Variants in MRPL13 observed in about 807,000 individuals in gnomAD.
MRPL13 encodes large ribosomal subunit protein uL13m.
A neutral mutation model predicts 29.0 loss-of-function variants in MRPL13; 33 were observed. The ratio of observed to expected loss-of-function variants is 1.14; its 90% CI spans 0.86 to 1.52. The LOEUF is 1.52. Among genes scored for constraint, MRPL13 ranks in the 40% most tolerant of loss-of-function variants. The pLI, the probability that MRPL13 is intolerant of heterozygous loss-of-function variation, is 0.00. For synonymous variants in MRPL13, 77 were observed against 68.4 expected, an observed-to-expected ratio of 1.13 and a Z score of -0.62; for missense variants, 227 against 216.7, an observed-to-expected ratio of 1.05 and a Z score of -0.30.
rs562751404 is a variant in MRPL13, at chr8:120,428,127, A to T, written c.246-2761T>A. Among the ~76,000 whole-genome samples the T allele has an allele frequency of 5.0e-3, 29 of 5,844 alleles. No homozygotes were observed. In the South Asian group the frequency reaches 0.13, roughly 27 times the overall value. The allele number at this position is 5,844 out of a possible 152,430, so 3.8% of individuals were successfully genotyped here. A position where few individuals can be genotyped will look rare whatever the true frequency, so the allele number is the denominator to read the frequency against. ...GTAACCAAAACAGCATGGTACTGATAAAAAAAAAAAAAAAAAAAAACCAGA... is the reference window on the plus strand; with the variant it reads ...GTAACCAAAACAGCATGGTACTGATTAAAAAAAAAAAAAAAAAAAACCAGA... On this transcript the variant is annotated intron_variant, in intron 3 of 6. Transcript: ENST00000306185.
chr8:120,440,811 T>C (rs943491650), intron 2 of MRPL13, among the ~76,000 whole-genome samples: 7 of 151,784 alleles, frequency 4.6e-5, no homozygotes, highest in Non-Finnish European at 1.0e-4. Context: ...GAAATTTCAT[T>C]TGGAAAAGAT....
chr8:120,437,528 A>AT (rs1813068782), intron 2 of MRPL13, among the ~76,000 whole-genome samples: 2 of 152,206 alleles, frequency 1.3e-5, no homozygotes, highest in African/African-American at 4.8e-5. Context: ...CTCATAAAGA[A>AT]TAAGTCATAC....
chr8:120,410,682 T>G (rs1374274890), intron 6 of MRPL13, among the ~76,000 whole-genome samples: 3 of 152,204 alleles, frequency 2.0e-5, no homozygotes. Flanking sequence ...TTAGCCACAG[T>G]GCAAGGGCTC....
chr8:120,415,272 G>C (rs1812790545), intron 5 of MRPL13: 1 of 152,170 alleles, frequency 6.6e-6, no homozygotes, highest in Non-Finnish European at 1.5e-5. Flanking sequence ...CTTATAAGGA[G>C]AGTAGATATA....
rs1170746344 is a variant in MRPL13, at chr8:120,432,123, C to T, written c.152G>A (p.Ser51Asn). The change falls in exon 3 of 7, where the codon AGT becomes AAT. Residue 51 changes from serine to asparagine, a missense_variant and splice_region_variant. Ser to Asn is a conservative substitution (Grantham distance 46, BLOSUM62 1). Coordinates refer to ENST00000306185, the MANE Select transcript of MRPL13 (RefSeq NM_014078.6). ...TATAACAACATGATCCCCACAGTCA[C>T]CTACATTTTAAAAAGAAACAAGATT... ...GLHKPVYHAL[S>N]DCGDHVVIMN... The T allele has an allele frequency of 3.2e-6, 5 of 1,555,984 alleles. No individual in the cohort carries two copies. The highest frequency in any genetic ancestry group is 1.4e-5 in the African/African-American group (1 of 71,730).
At chr8:120,424,328 T>A (rs1347674021) in intron 4 of MRPL13, among the ~76,000 whole-genome samples, 3 of 151,190 alleles carry the variant, frequency 2.0e-5, no homozygotes, top group African/African-American at 7.3e-5. Flanking sequence ...GGAAAAAAAA[T>A]AAAAAATAAA....
At chr8:120,410,635 A>AATT (rs1259544218) in intron 6 of MRPL13, among the ~76,000 whole-genome samples, 1 of 152,188 alleles carries the variant, frequency 6.6e-6, no homozygotes, top group Non-Finnish European at 1.5e-5. Context: ...TATTTACTAA[A>AATT]ATTACATCAA....
chr8:120,406,311 G>A (rs1812667256), intron 6 of MRPL13, among the ~76,000 whole-genome samples: 1 of 152,124 alleles, frequency 6.6e-6, no homozygotes, highest in Non-Finnish European at 1.5e-5. Context: ...TAAGAAAAAT[G>A]TCTATTTTAG....
chr8:120,420,050 A>G, intron 4 of MRPL13, 112 bp from the exon 5 acceptor site: 1 of 604,618 alleles, frequency 1.7e-6, no homozygotes, highest in Non-Finnish European at 2.6e-6. Flanking sequence ...ACACGAATAT[A>G]GGAAAGAAAT....
intron 6 of MRPL13, among the ~76,000 whole-genome samples, chr8:120,400,994 G>A (rs956603018): frequency 6.6e-6 from 1 of 151,800 alleles, no homozygotes; most frequent in Non-Finnish European, 1.5e-5. Flanking sequence ...TTCTGAAATC[G>A]AATCAGTAAT....
At chr8:120,408,640 A>G (rs1393974550) in intron 6 of MRPL13, among the ~76,000 whole-genome samples, 1 of 152,214 alleles carries the variant, frequency 6.6e-6, no homozygotes, top group Non-Finnish European at 1.5e-5. Flanking sequence ...AGACTAGAAG[A>G]AAATTATGGA....
chr8:120,434,005 T>G lies in MRPL13; in HGVS notation c.152-1882A>C, dbSNP rs372338544. The stretch of plus-strand genomic sequence containing the variant: ...TTTTTAGAAATAGGAATTGTGAGTT[T>G]ATTTACAAAAATTCTAACCTTAAAC... On this transcript the variant is annotated intron_variant, in intron 2 of 6. Coordinates refer to ENST00000306185, the MANE Select transcript of MRPL13 (RefSeq NM_014078.6). 7.3e-4 allele frequency among the ~76,000 whole-genome samples: 111 copies of G among 152,244 alleles called. 1 individual carries two copies. The highest frequency in any genetic ancestry group is 2.5e-3 in the African/African-American group (106 of 41,572).
chr8:120,408,883 T>C (rs1812709630), intron 6 of MRPL13, among the ~76,000 whole-genome samples: 1 of 152,204 alleles, frequency 6.6e-6, no homozygotes, highest in Admixed American at 6.5e-5. Context: ...AGCTATAGAC[T>C]GAAGAGGATG....
rs1243201165 is a variant in MRPL13 at position 120,429,506 on chromosome 8, C to A, written c.245+2524G>T. ...GAACTTAAAAGTTAAAAAAAAAAAA[C>A]AAAAAACAAGAATTGAAAAAAAAGA... On this transcript the variant is annotated intron_variant, in intron 3 of 6. Coordinates refer to ENST00000306185, the MANE Select transcript of MRPL13 (RefSeq NM_014078.6). 6.4e-3 allele frequency among the ~76,000 whole-genome samples: 940 copies of A among 145,904 alleles called. 30 individuals are homozygous for A. The East Asian group carries it at 0.092, about 14-fold the overall frequency.
At position 120,432,017 on chromosome 8, in the gene MRPL13, A is replaced by T. The variant is rs1813001552; in HGVS notation, c.245+13T>A. ...TTAACTACCTAATTTCCCTGACAAC[A>T]GCATTATCTTACCCAGTATGCGAAG... is the stretch of plus-strand genomic sequence containing the variant. On this transcript the variant is annotated intron_variant, in intron 3 of 6. Coordinates refer to ENST00000306185, the MANE Select transcript of MRPL13 (RefSeq NM_014078.6). The T allele has an allele frequency of 1.3e-6, 2 of 1,539,686 alleles. No individual in the cohort carries two copies. The highest frequency in any genetic ancestry group is 1.8e-6 in the Non-Finnish European group (2 of 1,137,236).
In MRPL13 at chr8:120,395,706, G is replaced by A. The variant is rs1812514696; in HGVS notation, c.*398C>T. On this transcript the variant is annotated 3_prime_UTR_variant, in exon 7 of 7. Coordinates refer to ENST00000306185, the MANE Select transcript of MRPL13 (RefSeq NM_014078.6). ...AAAAAAAGCCACTGAAATGAAAAGT[G>A]AAGGTAGAGCTTGTTCACAAGGGAC... 1.9e-5 allele frequency: 3 copies of A among 158,486 alleles called. No individual in the cohort carries two copies. The highest frequency in any genetic ancestry group is 7.2e-5 in the African/African-American group (3 of 41,744). The allele number at this position is 158,486 out of a possible 1,614,324, so 9.8% of individuals were successfully genotyped here.
chr8:120,416,777 T>A (rs2130464846), intron 5 of MRPL13, among the ~76,000 whole-genome samples: 1 of 152,346 alleles, frequency 6.6e-6, no homozygotes, highest in Admixed American at 6.5e-5. Flanking sequence ...ATGAACCATT[T>A]TAGAGTAATT....
chr8:120,409,812 AG>A (rs1392727753), intron 6 of MRPL13, among the ~76,000 whole-genome samples: 1 of 152,206 alleles, frequency 6.6e-6, no homozygotes, highest in Non-Finnish European at 1.5e-5. Flanking sequence ...AAAAAAGTAT[AG>A]TTTTGTCATA....
At chr8:120,421,457 T>C (rs943282643) in intron 4 of MRPL13, among the ~76,000 whole-genome samples, 4 of 151,896 alleles carry the variant, frequency 2.6e-5, no homozygotes, top group African/African-American at 9.7e-5. Context: ...GAAAGCTGCA[T>C]TGTGAAACAA....
Sources: allele counts gnomAD v4.1 joint callset (sites outside exome capture counted in the v4.1 genomes callset), GRCh38; gene constraint gnomAD v4.1.1; transcripts MANE v1.5; gene names NCBI Gene and HGNC (gene_info 2026-07-23, HGNC 2026-07-21).